Variants in PCDHGA1 observed in about 807,000 individuals in gnomAD.
PCDHGA1 encodes protocadherin gamma-A1.
In PCDHGA1, 32 loss-of-function variants were observed where a neutral mutation model predicts 58.0. That is an observed-to-expected ratio of 0.55 (90% CI 0.42 to 0.74). The LOEUF (loss-of-function observed/expected upper bound fraction) is 0.74, where lower values mean the gene tolerates loss of function less well. Ranked by LOEUF, PCDHGA1 falls within the 30% of genes least tolerant of loss-of-function variation. The probability of loss-of-function intolerance (pLI) is 0.00; values close to 1 mark genes in which losing one functional copy is unlikely to be tolerated. For missense variants in PCDHGA1, 1,205 were observed against 1,182.3 expected (o/e 1.02, Z -0.28); for synonymous variants, 498 against 501.1 (o/e 0.99, Z 0.08).
chr5:141,376,245 A>T (rs554556778), intron 1 of PCDHGA1: 4 of 1,614,180 alleles, frequency 2.5e-6, no homozygotes, highest in African/African-American at 1.3e-5. Context: ...CGCTGGCACA[A>T]GTCACGCCTG....
rs138745923 is a variant in PCDHGA1, at chr5:141,420,954, A to C, written c.2422-73853A>C. On this transcript the variant is annotated intron_variant, in intron 1 of 3. Transcript: ENST00000517417. ...GTAATCATTTCTTCTGGAATTTCTTAGTCGTTGCAATAATAAGAATGGGCT... is the reference window on the plus strand; with the variant it reads ...GTAATCATTTCTTCTGGAATTTCTTCGTCGTTGCAATAATAAGAATGGGCT... 3.9e-3 allele frequency: 1,621 copies of C among 412,482 alleles called. 10 individuals are homozygous for C. The highest frequency in any genetic ancestry group is 0.01 in the Admixed American group (249 of 24,550). The allele number at this position is 412,482 out of a possible 1,614,324, so 25.6% of individuals were successfully genotyped here.
chr5:141,413,806 A>C, intron 1 of PCDHGA1: 1 of 1,613,168 alleles, frequency 6.2e-7, no homozygotes. Flanking sequence ...GGAAGAGGCC[A>C]TTCACCACCT....
chr5:141,423,708 T>A (rs1384948123), intron 1 of PCDHGA1: 23 of 1,349,902 alleles, frequency 1.7e-5, no homozygotes, highest in Non-Finnish European at 2.2e-5. Flanking sequence ...TTGGCACAAG[T>A]CTTTTAAGGA....
At chr5:141,406,827 A>G (rs2094856328) in intron 1 of PCDHGA1, among the ~76,000 whole-genome samples, 1 of 152,242 alleles carries the variant, frequency 6.6e-6, no homozygotes, top group South Asian at 2.1e-4. Context: ...CTAGAAATGA[A>G]CTTGCATATC....
Position 141,476,993 on chromosome 5 carries a change from C to A in PCDHGA1, c.2422-17814C>A. 6.2e-7 allele frequency: 1 copy of A among 1,614,244 alleles called. No individual in the cohort carries two copies. Among genetic ancestry groups the A allele is most frequent in the South Asian group, 1.1e-5 (1 of 91,086 alleles). Reference sequence around the variant, plus strand: ...CAGCCACAACCGCGCCGGCGTGCGGCAACTATTCGCCTTAGACCTTGTAAC... The same window carrying A: ...CAGCCACAACCGCGCCGGCGTGCGGAAACTATTCGCCTTAGACCTTGTAAC... On this transcript the variant is annotated intron_variant, in intron 1 of 3. Coordinates refer to ENST00000517417, the MANE Select transcript of PCDHGA1 (RefSeq NM_018912.3). This position sits in a 1 kb window ranked among gnomAD's most constrained non-coding sequence, Gnocchi z 7.6.
intron 1 of PCDHGA1, chr5:141,403,562 G>A (rs2094421705): frequency 6.2e-7 from 1 of 1,613,980 alleles, no homozygotes; most frequent in Non-Finnish European, 8.5e-7. Context: ...GGACAGGGAG[G>A]AGGCAACTGC....
chr5:141,419,378 G>C (rs777509820), intron 1 of PCDHGA1: 3 of 1,613,712 alleles, frequency 1.9e-6, no homozygotes, highest in Admixed American at 3.3e-5. Context: ...CTACGTGTCC[G>C]TGAGCGCGCA....
intron 1 of PCDHGA1, among the ~76,000 whole-genome samples, chr5:141,448,768 G>T (rs544426582): frequency 2.6e-5 from 4 of 151,750 alleles, no homozygotes; most frequent in Non-Finnish European, 4.4e-5. Context: ...GTGAAACCCC[G>T]TCTGTACTAA....
chr5:141,444,350 T>C (rs1021358194), intron 1 of PCDHGA1, among the ~76,000 whole-genome samples: 7 of 151,946 alleles, frequency 4.6e-5, no homozygotes, highest in Admixed American at 2.0e-4. Context: ...TTTGTATTTT[T>C]AGTAGAGACG....
At chr5:141,388,353 G>A (rs1441506976) in intron 1 of PCDHGA1, 1 of 1,613,858 alleles carries the variant, frequency 6.2e-7, no homozygotes, top group Non-Finnish European at 8.5e-7. Flanking sequence ...ATTAGGATCT[G>A]CCCATGATGC....
intron 1 of PCDHGA1, chr5:141,372,738 T>C: frequency 6.2e-7 from 1 of 1,613,740 alleles, no homozygotes; most frequent in Non-Finnish European, 8.5e-7. Flanking sequence ...AGATCTTCTA[T>C]GTGATGAAGC....
At chr5:141,459,885 C>A (rs1333668105) in intron 1 of PCDHGA1, among the ~76,000 whole-genome samples, 1 of 152,106 alleles carries the variant, frequency 6.6e-6, no homozygotes, top group East Asian at 1.9e-4. Flanking sequence ...CTGAGCTGAA[C>A]GCCTTCTTAA....
chr5:141,425,812 G>GA (rs574320012), intron 1 of PCDHGA1, among the ~76,000 whole-genome samples: 9 of 152,054 alleles, frequency 5.9e-5, no homozygotes, highest in South Asian at 4.1e-4. Flanking sequence ...CTTCTGCTTA[G>GA]AAAAAAACAA....
At chr5:141,395,277 A>G (rs758440707) in intron 1 of PCDHGA1, 2 of 1,542,838 alleles carry the variant, frequency 1.3e-6, no homozygotes, top group East Asian at 2.3e-5. Flanking sequence ...TTCCAGATGA[A>G]TTTTATTTGG....
intron 1 of PCDHGA1, among the ~76,000 whole-genome samples, chr5:141,336,624 A>C (rs1262193604): frequency 6.6e-6 from 1 of 152,232 alleles, no homozygotes; most frequent in Non-Finnish European, 1.5e-5. Context: ...TCAAAGAAGC[A>C]ATATTCAGAA....
In PCDHGA1 at chr5:141,418,400, G is replaced by C; in HGVS notation, c.2422-76407G>C. ...AAGTCCTAACGAGTATTTCTCATTGGTGGAGAAAGACAATCCTGATGGTGG... is the reference window on the plus strand; with the variant it reads ...AAGTCCTAACGAGTATTTCTCATTGCTGGAGAAAGACAATCCTGATGGTGG... On this transcript the variant is annotated intron_variant, in intron 1 of 3. Coordinates refer to ENST00000517417, the MANE Select transcript of PCDHGA1 (RefSeq NM_018912.3). The C allele has an allele frequency of 6.2e-7, 1 of 1,613,900 alleles. No homozygotes were observed. The highest frequency in any genetic ancestry group is 8.5e-7 in the Non-Finnish European group (1 of 1,179,794).
At chr5:141,338,210 C>T (rs895014709) in intron 1 of PCDHGA1, among the ~76,000 whole-genome samples, 2 of 152,190 alleles carry the variant, frequency 1.3e-5, no homozygotes, top group South Asian at 2.1e-4. Flanking sequence ...CCAACCTTCA[C>T]GCTTGAGACC....
At chr5:141,364,886 A>G (rs1181797677) in intron 1 of PCDHGA1, 2 of 1,614,024 alleles carry the variant, frequency 1.2e-6, no homozygotes. Context: ...GGTAAGCGGA[A>G]CTGATGGACA....
chr5:141,374,573 A>T (rs1319007072), intron 1 of PCDHGA1: 15 of 1,613,740 alleles, frequency 9.3e-6, no homozygotes, highest in Non-Finnish European at 1.3e-5. Context: ...TGATGTGGGA[A>T]TGAACTCCCT....
Sources: gnomAD v4.1 joint callset for allele counts (sites outside exome capture counted in the v4.1 genomes callset) on GRCh38, gnomAD v4.1.1 for gene constraint, Gnocchi (gnomAD v3.1) non-coding constraint, MANE v1.5 for transcripts, NCBI Gene and HGNC (gene_info 2026-07-23, HGNC 2026-07-21) for gene names.